PCSK5: variants seen among roughly 807,000 people sequenced by gnomAD.
PCSK5 encodes proprotein convertase subtilisin/kexin type 5, also known as prohormone convertase 5.
Under a neutral mutation model 233.2 loss-of-function variants are expected in PCSK5, and 129 were observed. The ratio of observed to expected loss-of-function variants is 0.55; its 90% CI spans 0.48 to 0.64. The LOEUF (loss-of-function observed/expected upper bound fraction) is 0.64, where lower values mean the gene tolerates loss of function less well. Ranked by LOEUF, PCSK5 falls within the 30% of genes least tolerant of loss-of-function variation. The pLI, the probability that PCSK5 is intolerant of heterozygous loss-of-function variation, is 0.00. For synonymous variants in PCSK5, 825 were observed against 879.2 expected (o/e 0.94, Z 1.09); for missense variants, 2,076 against 2,430.1 (o/e 0.85, Z 3.06).
intron 10 of PCSK5, among the ~76,000 whole-genome samples, chr9:76,153,160 C>T (rs1823744189): frequency 1.3e-5 from 2 of 152,168 alleles, no homozygotes; most frequent in South Asian, 4.1e-4. Context: ...ACAGATATAA[C>T]AGTAGGCAAG....
chr9:76,256,289 G>A (rs569503280), intron 24 of PCSK5, among the ~76,000 whole-genome samples: 3 of 152,326 alleles, frequency 2.0e-5, no homozygotes, highest in Non-Finnish European at 4.4e-5. Context: ...GGGTATAATC[G>A]AAGTTCCTCC....
chr9:76,043,911 A>C (rs1829250165), intron 5 of PCSK5, among the ~76,000 whole-genome samples: 1 of 151,772 alleles, frequency 6.6e-6, no homozygotes, highest in Non-Finnish European at 1.5e-5. Flanking sequence ...TGAGATTTGA[A>C]TTTTAGCCAA....
chr9:76,186,310 C>G (rs1199251234), intron 17 of PCSK5, among the ~76,000 whole-genome samples: 2 of 152,132 alleles, frequency 1.3e-5, no homozygotes, highest in Admixed American at 1.3e-4. Flanking sequence ...TTTACATAGC[C>G]AAGTTGTTCC....
At chr9:76,244,569 T>G (rs1383973104) in intron 24 of PCSK5, among the ~76,000 whole-genome samples, 2 of 151,632 alleles carry the variant, frequency 1.3e-5, no homozygotes, top group East Asian at 1.9e-4. Flanking sequence ...TGGGGTTTTT[T>G]TTTTTTTTTT....
intron 3 of PCSK5, among the ~76,000 whole-genome samples, chr9:75,991,200 A>G (rs1040135977): frequency 6.6e-6 from 1 of 152,170 alleles, no homozygotes; most frequent in African/African-American, 2.4e-5. Flanking sequence ...TTTACTTGTA[A>G]CGTAATTCTA....
At chr9:76,236,559 A>G (rs1283409901) in intron 22 of PCSK5, among the ~76,000 whole-genome samples, 5 of 152,154 alleles carry the variant, frequency 3.3e-5, no homozygotes. Context: ...AGTAGCCAAA[A>G]ATTTATGCAT....
At chr9:75,920,827 TAAAA>T (rs925390996) in intron 1 of PCSK5, among the ~76,000 whole-genome samples, 3 of 151,780 alleles carry the variant, frequency 2.0e-5, no homozygotes, top group East Asian at 1.9e-4. Flanking sequence ...AAAAATAAAA[TAAAA>T]AAACAAATAA....
intron 27 of PCSK5, among the ~76,000 whole-genome samples, chr9:76,298,387 T>C (rs1252396324): frequency 6.6e-6 from 1 of 152,150 alleles, no homozygotes; most frequent in African/African-American, 2.4e-5. Context: ...GGGACAGAGA[T>C]GAGAGTGTTT....
chr9:76,340,349 A>G (rs1829793288), intron 35 of PCSK5, among the ~76,000 whole-genome samples: 4 of 152,166 alleles, frequency 2.6e-5, no homozygotes, highest in African/African-American at 9.7e-5. Flanking sequence ...ATGTTCAGCT[A>G]TAAGATCTTC....
At chr9:76,299,224 A>G (rs921861505) in intron 27 of PCSK5, among the ~76,000 whole-genome samples, 2 of 152,208 alleles carry the variant, frequency 1.3e-5, no homozygotes, top group Non-Finnish European at 2.9e-5. Flanking sequence ...TCCTCCAGCT[A>G]AGACTAAGTA....
intron 2 of PCSK5, among the ~76,000 whole-genome samples, chr9:75,932,724 C>T (rs1823867258): frequency 6.6e-6 from 1 of 152,064 alleles, no homozygotes; most frequent in Admixed American, 6.6e-5. Context: ...GCTATGGGTT[C>T]TCATGGAGAG....
intron 30 of PCSK5, among the ~76,000 whole-genome samples, chr9:76,314,779 G>A (rs1411487154): frequency 6.9e-6 from 1 of 144,776 alleles, no homozygotes. Context: ...TGGGATTACA[G>A]GCGCATGCCA....
At chr9:76,106,611 T>C (rs1162453523) in intron 8 of PCSK5, among the ~76,000 whole-genome samples, 1 of 152,246 alleles carries the variant, frequency 6.6e-6, no homozygotes, top group Non-Finnish European at 1.5e-5. Flanking sequence ...AGTGCTGTAA[T>C]TGCATATCAA....
chr9:76,295,227 A>G, intron 25 of PCSK5, 48 bp from the exon 26 acceptor site: 1 of 1,536,098 alleles, frequency 6.5e-7, no homozygotes. Flanking sequence ...TGGTGAAGAG[A>G]AATACATCAA....
At chr9:76,321,344 C>A (rs546150610) in intron 30 of PCSK5, 78 bp from the exon 31 acceptor site, 1 of 784,080 alleles carries the variant, frequency 1.3e-6, no homozygotes, top group Non-Finnish European at 2.2e-6. Context: ...GTTTTTAGAC[C>A]TAATTCCTTT....
chr9:76,088,996 G>C (rs7859486), intron 7 of PCSK5, among the ~76,000 whole-genome samples: 37,342 of 148,982 alleles, frequency 0.25, 5,360 homozygotes, highest in African/African-American at 0.4. Context: ...TTCAATGAAC[G>C]CTGTTCTATA....
chr9:76,086,605 G>A (rs970747758), intron 7 of PCSK5, among the ~76,000 whole-genome samples: 1 of 152,158 alleles, frequency 6.6e-6, no homozygotes, highest in Admixed American at 6.5e-5. Flanking sequence ...CAGAAGAGAA[G>A]GTTGTTTTAT....
chr9:76,062,091 T>A (rs143057582), intron 5 of PCSK5, among the ~76,000 whole-genome samples: 1 of 152,036 alleles, frequency 6.6e-6, no homozygotes, highest in East Asian at 1.9e-4. Flanking sequence ...TACAAAAAAA[T>A]TTAAAAATTA....
At chr9:76,244,584 C>A (rs1033277324) in intron 24 of PCSK5, among the ~76,000 whole-genome samples, 1 of 103,286 alleles carries the variant, frequency 9.7e-6, no homozygotes. Context: ...TTTTTTTTAG[C>A]TTTGTATTCC....
Sources: gnomAD v4.1 joint callset for allele counts (sites outside exome capture counted in the v4.1 genomes callset) on GRCh38, gnomAD v4.1.1 for gene constraint, MANE v1.5 for transcripts, NCBI Gene and HGNC (gene_info 2026-07-23, HGNC 2026-07-21) for gene names.